Variants in CD96 observed in about 807,000 individuals in gnomAD.
The protein encoded by CD96 is CD96 molecule.
In CD96, 70 loss-of-function variants were observed where a neutral mutation model predicts 71.3. That is an observed-to-expected ratio of 0.98 (90% CI 0.81 to 1.20). The LOEUF (loss-of-function observed/expected upper bound fraction) is 1.20. CD96 is among the 50% of genes most tolerant of loss of function. CD96 has a pLI of 0.00. For missense variants in CD96, 742 were observed against 677.5 expected, an observed-to-expected ratio of 1.10 and a Z score of -1.06; for synonymous variants, 248 against 233.0, an observed-to-expected ratio of 1.06 and a Z score of -0.59.
intron 5 of CD96, among the ~76,000 whole-genome samples, chr3:111,588,945 T>C (rs1393808863): frequency 6.7e-6 from 1 of 148,206 alleles, no homozygotes; most frequent in Non-Finnish European, 1.5e-5. Flanking sequence ...TTTTTGTTTC[T>C]TTTTTTTTCT....
chr3:111,550,851 A>G (rs1400080685), intron 2 of CD96, among the ~76,000 whole-genome samples: 1 of 152,168 alleles, frequency 6.6e-6, no homozygotes, highest in African/African-American at 2.4e-5. Context: ...GTATGGTATG[A>G]AATGGTAGTG....
chr3:111,545,437 C>A, intron 2 of CD96, 35 bp downstream of exon 2: 1 of 1,285,122 alleles, frequency 7.8e-7, no homozygotes, highest in Non-Finnish European at 1.1e-6. Flanking sequence ...TGCTTTCATT[C>A]AGCTCTCTCT....
chr3:111,632,229 A>G (rs2107738051), intron 10 of CD96, among the ~76,000 whole-genome samples: 1 of 152,324 alleles, frequency 6.6e-6, no homozygotes, highest in African/African-American at 2.4e-5. Flanking sequence ...CATCTGAAAA[A>G]GGTATAATAG....
chr3:111,579,315 A>G (rs898521396), intron 4 of CD96, 81 bp downstream of exon 4: 1 of 826,938 alleles, frequency 1.2e-6, no homozygotes, highest in Non-Finnish European at 2.2e-6. Context: ...GCACCCTATT[A>G]TGCTGCAGAG....
rs199757355 is a variant in CD96, at chr3:111,625,573, GA to G, written c.1321+1177del. 7.8e-3 allele frequency among the ~76,000 whole-genome samples: 1,190 copies of G among 151,660 alleles called. 18 individuals carry two copies. The highest frequency in any genetic ancestry group is 0.027 in the African/African-American group (1,129 of 41,358). The stretch of plus-strand genomic sequence containing the variant: ...ATCTAGAAATAGTGATTATTGATAA[GA>G]AAAAAAATTAAAATGTACCCCTGCC... On this transcript the variant is annotated intron_variant, in intron 10 of 13. Coordinates refer to ENST00000352690, the MANE Select transcript of CD96 (RefSeq NM_005816.5).
At chr3:111,618,582 CTT>C (rs35004472) in intron 8 of CD96, among the ~76,000 whole-genome samples, 237 of 123,912 alleles carry the variant, frequency 1.9e-3, no homozygotes, top group African/African-American at 4.7e-3. Context: ...TTATTTCTCT[CTT>C]TTTTTTTTTT....
In CD96 at chr3:111,651,739, G is replaced by T. The variant is rs879348811; in HGVS notation, c.*1933G>T. The T allele has an allele frequency of 1.3e-5, 2 of 152,158 alleles. No individual in the cohort carries two copies. The highest frequency in any genetic ancestry group is 2.9e-5 in the Non-Finnish European group (2 of 68,150). The allele number at this position is 152,158 out of a possible 1,614,324, so 9.4% of individuals were successfully genotyped here. A position where few individuals can be genotyped will look rare whatever the true frequency, so the allele number is the denominator to read the frequency against. ...CTACTAAAAATACAAAAAATTAGCC[G>T]GGTGTGGTGTCGGGCACCTGTAGTC... On this transcript the variant is annotated 3_prime_UTR_variant, in exon 14 of 14. Transcript: ENST00000352690.
intron 12 of CD96, among the ~76,000 whole-genome samples, chr3:111,645,573 G>A (rs184067781): frequency 5.3e-5 from 8 of 152,158 alleles, no homozygotes; most frequent in African/African-American, 1.7e-4. Flanking sequence ...AACTTTGGAC[G>A]TAAAATATTA....
intron 2 of CD96, among the ~76,000 whole-genome samples, chr3:111,545,840 A>T (rs1263716702): frequency 6.6e-6 from 1 of 152,140 alleles, no homozygotes; most frequent in Non-Finnish European, 1.5e-5. Flanking sequence ...GCAATACAGC[A>T]ATTAAAGGAT....
At chr3:111,570,937 A>C in intron 3 of CD96, 1 of 1,569,164 alleles carries the variant, frequency 6.4e-7, no homozygotes, top group Non-Finnish European at 8.8e-7. Context: ...GCGTCAAAGT[A>C]GGGGGTCTTG....
chr3:111,650,626 A>G lies in CD96; in HGVS notation c.*820A>G, dbSNP rs6437999. 138,560 of 152,292 alleles carry G rather than the reference A, an allele frequency of 0.91. 63,716 individuals are homozygous for G. The highest frequency in any genetic ancestry group is 0.97 in the Non-Finnish European group (65,996 of 68,062). 9.4% of individuals were successfully genotyped at this position (152,292 alleles called of 1,614,324 possible). A position where few individuals can be genotyped will look rare whatever the true frequency, so the allele number is the denominator to read the frequency against. On this transcript the variant is annotated 3_prime_UTR_variant, in exon 14 of 14. Coordinates refer to ENST00000352690, the MANE Select transcript of CD96 (RefSeq NM_005816.5). Reference sequence around the variant, plus strand: ...AAGCCCAACCCTACTTTCTAATTCCAGTTATTCTCTTTTTCATCTGGGGAT... The same window carrying G: ...AAGCCCAACCCTACTTTCTAATTCCGGTTATTCTCTTTTTCATCTGGGGAT...
At chr3:111,588,954 C>CTTTTTTTT (rs772858162) in intron 5 of CD96, among the ~76,000 whole-genome samples, 1 of 136,262 alleles carries the variant, frequency 7.3e-6, no homozygotes, top group African/African-American at 2.7e-5. Context: ...CTTTTTTTTT[C>CTTTTTTTT]TTTTTTTTTT....
chr3:111,637,243 G>C lies in CD96; in HGVS notation c.1369G>C (p.Ala457Pro). Residue 457 changes from alanine (A) to proline (P), a missense_variant, in exon 11 of 14, where the codon GCA (alanine) becomes CCA (proline). Transcript: ENST00000352690. ...SETYSSSPSG[A>P]GSTLHDNVFT... ...AACATACAGTTCATCCCCGTCAGGT[G>C]CAGGCTCAACACTTCATGGTGAGTA... is the stretch of plus-strand genomic sequence containing the variant. 1 of 1,576,860 alleles carries C rather than the reference G, an allele frequency of 6.3e-7. No individual in the cohort carries two copies. The highest frequency in any genetic ancestry group is 8.7e-7 in the Non-Finnish European group (1 of 1,146,082).
chr3:111,665,096 C>A (rs76684033), intron 14 of CD96, among the ~76,000 whole-genome samples: 1 of 151,690 alleles, frequency 6.6e-6, no homozygotes. Context: ...TATATGCATA[C>A]AGAGAGAGAT....
At chr3:111,570,504 G>T (rs1935928779) in intron 3 of CD96, 2 of 852,466 alleles carry the variant, frequency 2.3e-6, no homozygotes, top group East Asian at 2.7e-5. Context: ...AGCCACCAAG[G>T]TAGAAATCAC....
chr3:111,570,949 G>A, intron 3 of CD96: 2 of 1,558,140 alleles, frequency 1.3e-6, no homozygotes, highest in East Asian at 2.2e-5. Flanking sequence ...GGGGTCTTGA[G>A]TGGGCTGTGC....
chr3:111,607,537 A>G (rs1937680442), intron 8 of CD96, among the ~76,000 whole-genome samples: 1 of 152,206 alleles, frequency 6.6e-6, no homozygotes, highest in Non-Finnish European at 1.5e-5. Flanking sequence ...TGACTCTCTA[A>G]TACACAAAAG....
intron 2 of CD96, among the ~76,000 whole-genome samples, chr3:111,549,689 T>C (rs1559710845): frequency 6.6e-6 from 1 of 152,116 alleles, no homozygotes; most frequent in African/African-American, 2.4e-5. Flanking sequence ...ATTGCCTACG[T>C]GAAGGAAGGA....
At chr3:111,594,572 C>A (rs76361131) in intron 5 of CD96, 2 of 202,426 alleles carry the variant, frequency 9.9e-6, no homozygotes, top group Non-Finnish European at 2.2e-5. Flanking sequence ...TCAACCACCA[C>A]GACAGGTATT....
Sources: allele counts gnomAD v4.1 joint callset (sites outside exome capture counted in the v4.1 genomes callset), GRCh38; gene constraint gnomAD v4.1.1; transcripts MANE v1.5; gene names NCBI Gene and HGNC (gene_info 2026-07-23, HGNC 2026-07-21).